The following BCL2L2 variants were observed in gnomAD, a reference collection of about 807,000 sequenced individuals.
BCL2L2 encodes BCL2 like 2, also known as bcl-2-like protein 2.
In BCL2L2, 6 loss-of-function variants were observed where a neutral mutation model predicts 14.6. That is an observed-to-expected ratio of 0.41 (90% CI 0.22 to 0.81). The LOEUF (loss-of-function observed/expected upper bound fraction) is 0.81, where lower values mean the gene tolerates loss of function less well. Ranked by LOEUF, BCL2L2 falls within the 30% of genes least tolerant of loss-of-function variation. BCL2L2 has a pLI of 0.32. For synonymous variants in BCL2L2, 90 were observed against 108.5 expected, an observed-to-expected ratio of 0.83 and a Z score of 1.06; for missense variants, 191 against 260.5, an observed-to-expected ratio of 0.73 and a Z score of 1.84.
In BCL2L2 at chr14:23,308,817, C is replaced by A. The variant is rs770461528; in HGVS notation, c.434C>A (p.Ala145Glu). ...ADWIHSSGGW[A>E]EFTALYGDGA... ...TCCTGCTTCCCTTCTCTCCCACAGG[C>A]GGAGTTCACAGCTCTATACGGGGAC... is the stretch of plus-strand genomic sequence containing the variant. The change falls in exon 4 of 4, where the codon GCG (alanine) becomes GAG (glutamate). Residue 145 changes from alanine to glutamate, a missense_variant and splice_region_variant. By Grantham distance (107) the Ala-to-Glu change is moderately radical (BLOSUM62 -1). Transcript: ENST00000250405. This position sits in a 1 kb window ranked among gnomAD's most constrained non-coding sequence, Gnocchi z 5.4. 3 of 1,320,680 alleles carry A rather than the reference C, an allele frequency of 2.3e-6. No homozygotes were observed. The highest frequency in any genetic ancestry group is 1.5e-5 in the African/African-American group (1 of 66,398). The allele number at this position is 1,320,680 out of a possible 1,614,324, so 81.8% of individuals were successfully genotyped here.
In BCL2L2 at chr14:23,310,344, G is replaced by A. The variant is rs1249719469; in HGVS notation, c.*1379G>A. On this transcript the variant is annotated 3_prime_UTR_variant, in exon 4 of 4. Transcript: ENST00000250405. Reference sequence around the variant, plus strand: ...CAGACCTCACTGCTGCACTTTCCAAGGTGCTAAGATTGCTGCTCTCCAATG... The same window carrying A: ...CAGACCTCACTGCTGCACTTTCCAAAGTGCTAAGATTGCTGCTCTCCAATG... The A allele has an allele frequency of 3.5e-5, 35 of 987,492 alleles. No individual in the cohort carries two copies. The highest frequency in any genetic ancestry group is 5.2e-4 in the Middle Eastern group (1 of 1,936). The allele number at this position is 987,492 out of a possible 1,614,324, so 61.2% of individuals were successfully genotyped here.
chr14:23,308,700 G>C lies in BCL2L2; in HGVS notation c.433-116G>C. 1.2e-6 allele frequency: 1 copy of C among 844,322 alleles called. No homozygotes were observed. The highest frequency in any genetic ancestry group is 3.0e-5 in the East Asian group (1 of 33,156). The allele number at this position is 844,322 out of a possible 1,614,324, so 52.3% of individuals were successfully genotyped here. ...CTTTGGCCAGAGAGGAGCTGGGTAT[G>C]GGGTAGTGCTCGCAGTGGATGGAAC... On this transcript the variant is annotated intron_variant, in intron 3 of 3. Transcript: ENST00000250405. This position sits in a 1 kb window ranked among gnomAD's most constrained non-coding sequence, Gnocchi z 5.4.
In BCL2L2 at chr14:23,311,124, A is replaced by G. The variant is rs1334927274; in HGVS notation, c.*2159A>G. Reference sequence around the variant, plus strand: ...AGCCTTGACACCTGGGTGGAAAGAGAGGCTGTTTTCTGAAAGGGTAAAGGG... The same window carrying G: ...AGCCTTGACACCTGGGTGGAAAGAGGGGCTGTTTTCTGAAAGGGTAAAGGG... On this transcript the variant is annotated 3_prime_UTR_variant, in exon 4 of 4. Coordinates refer to ENST00000250405, the MANE Select transcript of BCL2L2 (RefSeq NM_004050.5). 12 of 1,288,438 alleles carry G rather than the reference A, an allele frequency of 9.3e-6. No homozygotes were observed. Among genetic ancestry groups the G allele is most frequent in the Middle Eastern group, 2.3e-4 (1 of 4,440 alleles). The allele number at this position is 1,288,438 out of a possible 1,614,324, so 79.8% of individuals were successfully genotyped here.
intron 2 of BCL2L2, among the ~76,000 whole-genome samples, 179 bp from the exon 3 acceptor site, chr14:23,307,581 C>A (rs959059385): frequency 3.9e-5 from 6 of 152,198 alleles, no homozygotes; most frequent in African/African-American, 1.4e-4. Context: ...TAATGGCCAG[C>A]CACTCACAGC....
At position 23,308,796 on chromosome 14, in the gene BCL2L2, G is replaced by C; in HGVS notation, c.433-20G>C. ...ATCCCTTTCTCCTTCTTTCTCTCCT[G>C]CTTCCCTTCTCTCCCACAGGCGGAG... On this transcript the variant is annotated intron_variant, in intron 3 of 3. Coordinates refer to ENST00000250405, the MANE Select transcript of BCL2L2 (RefSeq NM_004050.5). This position sits in a 1 kb window ranked among gnomAD's most constrained non-coding sequence, Gnocchi z 5.4. 1 of 1,316,310 alleles carries C rather than the reference G, an allele frequency of 7.6e-7. No individual in the cohort carries two copies. Among genetic ancestry groups the C allele is most frequent in the Non-Finnish European group, 9.8e-7 (1 of 1,023,030 alleles). The allele number at this position is 1,316,310 out of a possible 1,614,324, so 81.5% of individuals were successfully genotyped here.
Position 23,308,222 on chromosome 14 carries a change from C to T in BCL2L2, c.432+23C>T, listed in dbSNP as rs1056976001. The T allele has an allele frequency of 5.1e-6, 8 of 1,584,104 alleles. No homozygotes were observed. The African/African-American group carries it at 9.5e-5, about 19-fold the overall frequency. On this transcript the variant is annotated intron_variant, in intron 3 of 3. Coordinates refer to ENST00000250405, the MANE Select transcript of BCL2L2 (RefSeq NM_004050.5). This position sits in a 1 kb window ranked among gnomAD's most constrained non-coding sequence, Gnocchi z 5.4. ...TGGGTAAGAAGCTTCTCAATTGCCG[C>T]TCTGCACATCCTTCTGCAAAGCTGG... is the stretch of plus-strand genomic sequence containing the variant.
Position 23,309,932 on chromosome 14 carries a change from T to A in BCL2L2, c.*967T>A, listed in dbSNP as rs1032084872. On this transcript the variant is annotated 3_prime_UTR_variant, in exon 4 of 4. Transcript: ENST00000250405. ...ATTGGGGCCCTAACTAATTTTCCTT[T>A]TGAGGTTGTGGGCATAAGTGCTGAT... The A allele has an allele frequency of 1.0e-6, 1 of 985,426 alleles. No individual in the cohort carries two copies. Among genetic ancestry groups the A allele is most frequent in the Non-Finnish European group, 1.2e-6 (1 of 829,940 alleles). The allele number at this position is 985,426 out of a possible 1,614,324, so 61.0% of individuals were successfully genotyped here.
chr14:23,310,149 A>G lies in BCL2L2; in HGVS notation c.*1184A>G. ...GGTTCTAGAGTACCTACCATGACCT[A>G]GAAGCATTTATGATTTATTTGAAGC... On this transcript the variant is annotated 3_prime_UTR_variant, in exon 4 of 4. Coordinates refer to ENST00000250405, the MANE Select transcript of BCL2L2 (RefSeq NM_004050.5). The G allele has an allele frequency of 1.0e-6, 1 of 985,650 alleles. No homozygotes were observed. The highest frequency in any genetic ancestry group is 1.2e-6 in the Non-Finnish European group (1 of 829,988). 61.1% of individuals were successfully genotyped at this position (985,650 alleles called of 1,614,324 possible).
chr14:23,309,033 C>T lies in BCL2L2; in HGVS notation c.*68C>T. On this transcript the variant is annotated 3_prime_UTR_variant, in exon 4 of 4. Coordinates refer to ENST00000250405, the MANE Select transcript of BCL2L2 (RefSeq NM_004050.5). Reference sequence around the variant, plus strand: ...AGAGCAGGAACAGAACAGAGAAATGCCCTTGGAAGAAGTGGAGTTGGTGGA... The same window carrying T: ...AGAGCAGGAACAGAACAGAGAAATGTCCTTGGAAGAAGTGGAGTTGGTGGA... 9.2e-6 allele frequency: 12 copies of T among 1,309,836 alleles called. No individual in the cohort carries two copies. The highest frequency in any genetic ancestry group is 1.2e-5 in the Non-Finnish European group (12 of 1,021,318). The allele number at this position is 1,309,836 out of a possible 1,614,324, so 81.1% of individuals were successfully genotyped here. A position where few individuals can be genotyped will look rare whatever the true frequency, so the allele number is the denominator to read the frequency against.
Position 23,309,243 on chromosome 14 carries a change from GTGGGCACA to G in BCL2L2, c.*281_*288del, listed in dbSNP as rs2138427631. On this transcript the variant is annotated 3_prime_UTR_variant, in exon 4 of 4. Transcript: ENST00000250405. ...GGTGGGAGGGATCACGCCTATAGGT[GTGGGCACA>G]TGAAACGACCTGGAACTTGCTTCAC... 8.4e-7 allele frequency: 1 copy of G among 1,190,566 alleles called. No individual in the cohort carries two copies. The highest frequency in any genetic ancestry group is 1.6e-5 in the African/African-American group (1 of 63,658). The allele number at this position is 1,190,566 out of a possible 1,614,324, so 73.8% of individuals were successfully genotyped here.
In BCL2L2 at chr14:23,310,975, A is replaced by G. The variant is rs936573375; in HGVS notation, c.*2010A>G. On this transcript the variant is annotated 3_prime_UTR_variant, in exon 4 of 4. Coordinates refer to ENST00000250405, the MANE Select transcript of BCL2L2 (RefSeq NM_004050.5). ...GGAGTCTGTGCTTCCTTCCCCAGGT[A>G]TGGAGCACACTCTTCACCCTACCCT... 3 of 1,289,458 alleles carry G rather than the reference A, an allele frequency of 2.3e-6. No homozygotes were observed. In the African/African-American group the frequency reaches 4.6e-5, roughly 20 times the overall value. 79.9% of individuals were successfully genotyped at this position (1,289,458 alleles called of 1,614,324 possible). A position where few individuals can be genotyped will look rare whatever the true frequency, so the allele number is the denominator to read the frequency against.
chr14:23,311,635 A>T lies in BCL2L2; in HGVS notation c.*2670A>T. On this transcript the variant is annotated 3_prime_UTR_variant, in exon 4 of 4. Coordinates refer to ENST00000250405, the MANE Select transcript of BCL2L2 (RefSeq NM_004050.5). ...GAAAGCTCTATAAATATAAATCTAT[A>T]TTCCTGTATTTTTATTTAATAATTT... 1.1e-6 allele frequency: 1 copy of T among 935,010 alleles called. No individual in the cohort carries two copies. Among genetic ancestry groups the T allele is most frequent in the South Asian group, 4.9e-5 (1 of 20,280 alleles). The allele number at this position is 935,010 out of a possible 1,614,324, so 57.9% of individuals were successfully genotyped here.
rs773144952 is a variant in BCL2L2, at chr14:23,307,867, G to C, written c.100G>C (p.Gly34Arg). Reference protein sequence around the residue: ...QKGYVCGAGPGEGPAADPLHQ... With the variant: ...QKGYVCGAGPREGPAADPLHQ... ...GGGTTATGTCTGTGGAGCTGGCCCC[G>C]GGGAGGGCCCAGCAGCTGACCCGCT... is the stretch of plus-strand genomic sequence containing the variant. The change falls in exon 3 of 4, where the codon GGG becomes CGG. Residue 34 changes from glycine to arginine, a missense_variant. Transcript: ENST00000250405. 10 of 1,611,302 alleles carry C rather than the reference G, an allele frequency of 6.2e-6. No individual in the cohort carries two copies. The highest frequency in any genetic ancestry group is 7.6e-6 in the Non-Finnish European group (9 of 1,178,904).
At position 23,308,895 on chromosome 14, in the gene BCL2L2, G is replaced by C; in HGVS notation, c.512G>C (p.Arg171Thr). ...RLREGNWASV[R>T]TVLTGAVALG... ...CGGGAGGGGAACTGGGCATCAGTGAGGACAGTGCTGACGGGGGCCGTGGCA... is the reference window on the plus strand; with the variant it reads ...CGGGAGGGGAACTGGGCATCAGTGACGACAGTGCTGACGGGGGCCGTGGCA... The change falls in exon 4 of 4, where the codon AGG becomes ACG. Residue 171 changes from arginine (R) to threonine (T), a missense_variant. Transcript: ENST00000250405. This position sits in a 1 kb window ranked among gnomAD's most constrained non-coding sequence, Gnocchi z 5.4. 1 of 1,324,050 alleles carries C rather than the reference G, an allele frequency of 7.6e-7. No individual in the cohort carries two copies. Among genetic ancestry groups the C allele is most frequent in the Non-Finnish European group, 9.7e-7 (1 of 1,028,818 alleles). 82.0% of individuals were successfully genotyped at this position (1,324,050 alleles called of 1,614,324 possible).
At position 23,307,772 on chromosome 14, in the gene BCL2L2, C is replaced by T. The variant is rs1887328939; in HGVS notation, c.5C>T (p.Ala2Val). The change falls in exon 3 of 4, where the codon GCG (alanine) becomes GTG (valine). Residue 2 changes from alanine (A) to valine (V), a missense_variant. Physicochemically the swap from Ala to Val is moderately conservative, Grantham distance 64. Transcript: ENST00000250405. MATPASAPDTRA... is the reference protein window; with the variant it reads MVTPASAPDTRA... The stretch of plus-strand genomic sequence containing the variant: ...TTGCCTCTTATAGCCGCCCGGATGG[C>T]GACCCCAGCCTCGGCCCCAGACACA... 4 of 1,521,974 alleles carry T rather than the reference C, an allele frequency of 2.6e-6. No individual in the cohort carries two copies. Among genetic ancestry groups the T allele is most frequent in the African/African-American group, 2.8e-5 (2 of 71,628 alleles). 94.3% of individuals were successfully genotyped at this position (1,521,974 alleles called of 1,614,324 possible). A position where few individuals can be genotyped will look rare whatever the true frequency, so the allele number is the denominator to read the frequency against.
Position 23,311,123 on chromosome 14 carries a change from G to A in BCL2L2, c.*2158G>A, listed in dbSNP as rs1276958733. 5.4e-6 allele frequency: 7 copies of A among 1,288,690 alleles called. No individual in the cohort carries two copies. In the East Asian group the frequency reaches 2.2e-4, roughly 41 times the overall value. The allele number at this position is 1,288,690 out of a possible 1,614,324, so 79.8% of individuals were successfully genotyped here. ...AAGCCTTGACACCTGGGTGGAAAGA[G>A]AGGCTGTTTTCTGAAAGGGTAAAGG... On this transcript the variant is annotated 3_prime_UTR_variant, in exon 4 of 4. Coordinates refer to ENST00000250405, the MANE Select transcript of BCL2L2 (RefSeq NM_004050.5).
chr14:23,309,824 C>T lies in BCL2L2; in HGVS notation c.*859C>T, dbSNP rs1478526547. Reference sequence around the variant, plus strand: ...AGGCTTAGGTAGCCGGACCTGCCTGCCACCCTCCTCTCCCACTCAGGCACA... The same window carrying T: ...AGGCTTAGGTAGCCGGACCTGCCTGTCACCCTCCTCTCCCACTCAGGCACA... On this transcript the variant is annotated 3_prime_UTR_variant, in exon 4 of 4. Transcript: ENST00000250405. 1.0e-6 allele frequency: 1 copy of T among 985,474 alleles called. No homozygotes were observed. The highest frequency in any genetic ancestry group is 1.2e-6 in the Non-Finnish European group (1 of 829,950). 61.0% of individuals were successfully genotyped at this position (985,474 alleles called of 1,614,324 possible).
chr14:23,310,314 T>A lies in BCL2L2; in HGVS notation c.*1349T>A. The A allele has an allele frequency of 1.0e-6, 1 of 986,734 alleles. No homozygotes were observed. The highest frequency in any genetic ancestry group is 1.2e-6 in the Non-Finnish European group (1 of 830,582). 61.1% of individuals were successfully genotyped at this position (986,734 alleles called of 1,614,324 possible). A position where few individuals can be genotyped will look rare whatever the true frequency, so the allele number is the denominator to read the frequency against. On this transcript the variant is annotated 3_prime_UTR_variant, in exon 4 of 4. Coordinates refer to ENST00000250405, the MANE Select transcript of BCL2L2 (RefSeq NM_004050.5). ...AATTATTCACTCCAGATGCATGCCC[T>A]GAGCCAGACCTCACTGCTGCACTTT...
chr14:23,309,272 T>G lies in BCL2L2; in HGVS notation c.*307T>G. 8.7e-7 allele frequency: 1 copy of G among 1,153,824 alleles called. No individual in the cohort carries two copies. The highest frequency in any genetic ancestry group is 1.1e-6 in the Non-Finnish European group (1 of 938,112). The allele number at this position is 1,153,824 out of a possible 1,614,324, so 71.5% of individuals were successfully genotyped here. On this transcript the variant is annotated 3_prime_UTR_variant, in exon 4 of 4. Transcript: ENST00000250405. Reference sequence around the variant, plus strand: ...GCACATGAAACGACCTGGAACTTGCTTCACAGCCCTGAGGAAGGTGGACTT... The same window carrying G: ...GCACATGAAACGACCTGGAACTTGCGTCACAGCCCTGAGGAAGGTGGACTT...
Sources: gnomAD v4.1 joint callset for allele counts (sites outside exome capture counted in the v4.1 genomes callset) on GRCh38, gnomAD v4.1.1 for gene constraint, Gnocchi (gnomAD v3.1) non-coding constraint, MANE v1.5 for transcripts, NCBI Gene and HGNC (gene_info 2026-07-23, HGNC 2026-07-21) for gene names.